Variants in RNF146 observed in about 807,000 individuals in gnomAD.
The protein encoded by RNF146 is ring finger protein 146.
A neutral mutation model predicts 29.7 loss-of-function variants in RNF146; 11 were observed. The observed-to-expected ratio is 0.37, with a 90% CI of 0.23 to 0.61. The LOEUF (loss-of-function observed/expected upper bound fraction) is 0.61, where lower values mean the gene tolerates loss of function less well. RNF146 is among the 20% of genes least tolerant of loss of function. The pLI is 0.66. For missense variants in RNF146, 342 were observed against 438.9 expected (o/e 0.78, Z 1.97); for synonymous variants, 150 against 159.7 (o/e 0.94, Z 0.46).
intron 2 of RNF146, among the ~76,000 whole-genome samples, chr6:127,281,072 G>T (rs567938312): frequency 6.6e-6 from 1 of 151,720 alleles, no homozygotes; most frequent in East Asian, 1.9e-4. Context: ...GACCTTGGTA[G>T]ATGCTATTTC....
intron 1 of RNF146, among the ~76,000 whole-genome samples, chr6:127,276,376 G>C (rs746698737): frequency 1.3e-5 from 2 of 151,986 alleles, no homozygotes. Flanking sequence ...TGGTTGGGGT[G>C]GGGGAGCAGG....
intron 2 of RNF146, among the ~76,000 whole-genome samples, chr6:127,285,723 C>T (rs1189322534): frequency 6.6e-6 from 1 of 151,844 alleles, no homozygotes; most frequent in Non-Finnish European, 1.5e-5. Context: ...CACTGCCCAG[C>T]CCCTCTGAAT....
At chr6:127,276,856 A>G (rs766683949) in intron 1 of RNF146, among the ~76,000 whole-genome samples, 5 of 152,090 alleles carry the variant, frequency 3.3e-5, no homozygotes, top group Non-Finnish European at 7.4e-5. Context: ...CTCAGATTGT[A>G]TTTGAAGGAC....
chr6:127,277,917 G>C (rs1778446024), intron 1 of RNF146, among the ~76,000 whole-genome samples: 1 of 152,058 alleles, frequency 6.6e-6, no homozygotes, highest in Non-Finnish European at 1.5e-5. Context: ...CAAATTGTTT[G>C]TTCTGTTAAA....
chr6:127,285,495 G>T (rs1779387900), intron 2 of RNF146: 1 of 247,456 alleles, frequency 4.0e-6, no homozygotes. Context: ...CTTATCAGTG[G>T]TTTACTCCAT....
chr6:127,284,607 G>A (rs1048671989), intron 2 of RNF146, among the ~76,000 whole-genome samples: 1 of 151,898 alleles, frequency 6.6e-6, no homozygotes, highest in Non-Finnish European at 1.5e-5. Flanking sequence ...AATTCTTTTA[G>A]GGGAGGAAAT....
intron 1 of RNF146, among the ~76,000 whole-genome samples, chr6:127,275,580 T>TCCCCCTATC (rs1200406577): frequency 5.9e-5 from 9 of 152,254 alleles, no homozygotes; most frequent in South Asian, 2.1e-4. Context: ...GGATTCATGA[T>TCCCCCTATC]TTCACAGAAG....
At chr6:127,283,681 AAT>A (rs919033035) in intron 2 of RNF146, among the ~76,000 whole-genome samples, 9 of 151,870 alleles carry the variant, frequency 5.9e-5, no homozygotes, top group Non-Finnish European at 1.2e-4. Flanking sequence ...TTAAATAAGA[AAT>A]ATCACTAAGT....
intron 1 of RNF146, among the ~76,000 whole-genome samples, chr6:127,275,142 G>A (rs947053432): frequency 4.5e-4 from 68 of 152,244 alleles, no homozygotes; most frequent in African/African-American, 1.4e-3. Context: ...CTTTATTGGG[G>A]AAAGAGCTTT....
Position 127,287,759 on chromosome 6 carries a change from C to T in RNF146, c.*66C>T, listed in dbSNP as rs1165676147. ...TACCTGTAAATTTCTGCCCACATAA[C>T]ATTATACTCATCCCTAGTAGTGCAT... is the stretch of plus-strand genomic sequence containing the variant. On this transcript the variant is annotated 3_prime_UTR_variant, in exon 3 of 3. Coordinates refer to ENST00000368314, the MANE Select transcript of RNF146 (RefSeq NM_001242850.2). 2 of 969,246 alleles carry T rather than the reference C, an allele frequency of 2.1e-6. No homozygotes were observed. Among genetic ancestry groups the T allele is most frequent in the Non-Finnish European group, 3.2e-6 (2 of 634,290 alleles). The allele number at this position is 969,246 out of a possible 1,614,324, so 60.0% of individuals were successfully genotyped here.
At chr6:127,270,428 A>G (rs1777302828) in intron 1 of RNF146, among the ~76,000 whole-genome samples, 1 of 152,044 alleles carries the variant, frequency 6.6e-6, no homozygotes, top group African/African-American at 2.4e-5. Context: ...TGTTTGAGTT[A>G]TTTATGTTTG....
At position 127,286,252 on chromosome 6, in the gene RNF146, T is replaced by G. The variant is rs1779496314; in HGVS notation, c.3-364T>G. On this transcript the variant is annotated intron_variant, in intron 2 of 2. Coordinates refer to ENST00000368314, the MANE Select transcript of RNF146 (RefSeq NM_001242850.2). This position sits in a 1 kb window ranked among gnomAD's most constrained non-coding sequence, Gnocchi z 4.6. The stretch of plus-strand genomic sequence containing the variant: ...TTAATAAAGGACTCTAAAACTCAGA[T>G]TTTTAGATTTCTTGTCTAGCATTCA... 1.8e-6 allele frequency: 2 copies of G among 1,099,450 alleles called. No homozygotes were observed. Among genetic ancestry groups the G allele is most frequent in the Admixed American group, 8.1e-5 (2 of 24,736 alleles). The allele number at this position is 1,099,450 out of a possible 1,614,324, so 68.1% of individuals were successfully genotyped here.
intron 1 of RNF146, among the ~76,000 whole-genome samples, chr6:127,268,262 A>AAT (rs886180688): frequency 2.0e-5 from 3 of 152,204 alleles, no homozygotes; most frequent in African/African-American, 7.2e-5. Context: ...ATTGGCATTC[A>AAT]ATCCAGTATA....
intron 2 of RNF146, chr6:127,285,415 CAG>C (rs10583480): frequency 0.062 from 49,242 of 796,838 alleles, 1,675 homozygotes; most frequent in South Asian, 0.093. Flanking sequence ...AATTAGCTGG[CAG>C]AGAGATTGTC....
At chr6:127,275,282 G>A (rs900107092) in intron 1 of RNF146, among the ~76,000 whole-genome samples, 4 of 152,042 alleles carry the variant, frequency 2.6e-5, no homozygotes, top group Admixed American at 2.6e-4. Flanking sequence ...TACAAAGATG[G>A]GTTGAATTTT....
rs774774509 is a variant in RNF146 at position 127,287,057 on chromosome 6, T to C, written c.444T>C (p.Asp148=). Residue 148 remains aspartate, a synonymous_variant, in exon 3 of 3, where the codon GAT becomes GAC. Coordinates refer to ENST00000368314, the MANE Select transcript of RNF146 (RefSeq NM_001242850.2). ...MLIAGFLYVA[D]LENMVQYRRN... ...TTGCTGGCTTTCTGTATGTCGCTGA[T>C]CTTGAAAACATGGTTCAATATAGGA... 5.6e-6 allele frequency: 9 copies of C among 1,613,288 alleles called. No individual in the cohort carries two copies. The highest frequency in any genetic ancestry group is 1.1e-5 in the South Asian group (1 of 91,082).
chr6:127,279,388 A>G (rs909356167), intron 1 of RNF146, among the ~76,000 whole-genome samples: 1 of 151,820 alleles, frequency 6.6e-6, no homozygotes, highest in Non-Finnish European at 1.5e-5. Context: ...GTTTTCCCCC[A>G]TTGAGTAGAC....
intron 1 of RNF146, among the ~76,000 whole-genome samples, chr6:127,267,971 TAC>T (rs1437461633): frequency 6.6e-6 from 1 of 152,268 alleles, no homozygotes. Context: ...ACTGTAAGTT[TAC>T]ACACACATCC....
At chr6:127,283,311 A>G (rs528631177) in intron 2 of RNF146, among the ~76,000 whole-genome samples, 1 of 151,994 alleles carries the variant, frequency 6.6e-6, no homozygotes, top group South Asian at 2.1e-4. Flanking sequence ...ATTTCTGTGT[A>G]TTAAATTCTT....
Sources: gnomAD v4.1 joint callset for allele counts (sites outside exome capture counted in the v4.1 genomes callset) on GRCh38, gnomAD v4.1.1 for gene constraint, Gnocchi (gnomAD v3.1) non-coding constraint, MANE v1.5 for transcripts, NCBI Gene and HGNC (gene_info 2026-07-23, HGNC 2026-07-21) for gene names.